Variants in KIF9 observed in about 807,000 individuals in gnomAD.
The protein encoded by KIF9 is kinesin family member 9.
Under a neutral mutation model 94.8 loss-of-function variants are expected in KIF9, and 68 were observed. That is an observed-to-expected ratio of 0.72 (90% CI 0.59 to 0.88). The LOEUF (loss-of-function observed/expected upper bound fraction) is 0.88, where lower values mean the gene tolerates loss of function less well. KIF9 is among the 40% of genes least tolerant of loss of function. The probability of loss-of-function intolerance (pLI) is 0.00; values close to 1 mark genes in which losing one functional copy is unlikely to be tolerated. For synonymous variants in KIF9, 343 were observed against 362.1 expected (o/e 0.95, Z 0.60); for missense variants, 882 against 982.5 (o/e 0.90, Z 1.37).
intron 13 of KIF9, chr3:47,245,988 A>C (rs1699899906): frequency 1.8e-6 from 1 of 557,554 alleles, no homozygotes; most frequent in Non-Finnish European, 3.2e-6. Context: ...TGCTCTGGGC[A>C]CTCTCAGAGC....
intron 2 of KIF9, among the ~76,000 whole-genome samples, chr3:47,276,781 T>C (rs1382395567): frequency 1.3e-5 from 2 of 152,270 alleles, no homozygotes; most frequent in South Asian, 2.1e-4. Context: ...AGGCCCATAA[T>C]TGTTTGCTGA....
chr3:47,242,952 C>A lies in KIF9; in HGVS notation c.1709+99G>T, dbSNP rs1028495304. 5 of 1,015,092 alleles carry A rather than the reference C, an allele frequency of 4.9e-6. No homozygotes were observed. The African/African-American group carries it at 8.0e-5, about 16-fold the overall frequency. 62.9% of individuals were successfully genotyped at this position (1,015,092 alleles called of 1,614,324 possible). The stretch of plus-strand genomic sequence containing the variant: ...TGCTCCTAGTCTTTGCCTATTATTT[C>A]TTATTTTATTTCTCTTTTATCTGCA... On this transcript the variant is annotated intron_variant, in intron 16 of 20. Coordinates refer to ENST00000684063, the MANE Select transcript of KIF9 (RefSeq NM_182902.4).
chr3:47,267,374 A>C, intron 5 of KIF9, 111 bp from the exon 6 acceptor site: 1 of 794,250 alleles, frequency 1.3e-6, no homozygotes, highest in Non-Finnish European at 2.2e-6. Flanking sequence ...TATCACTGCG[A>C]TCAGCTGGGC....
At chr3:47,230,291 A>AT (rs1698463993) in intron 20 of KIF9, among the ~76,000 whole-genome samples, 1 of 151,684 alleles carries the variant, frequency 6.6e-6, no homozygotes, top group African/African-American at 2.4e-5. Context: ...AAAAAAAAAA[A>AT]AAAAGGCTGG....
rs1320287442 is a variant in KIF9, at chr3:47,254,446, T to C, written c.1059+3037A>G. ...GCACTCCAGCCTGGGTGAGACTCCATCTCAAAAAACAAAAATTAGCTGGGC... is the reference window on the plus strand; with the variant it reads ...GCACTCCAGCCTGGGTGAGACTCCACCTCAAAAAACAAAAATTAGCTGGGC... On this transcript the variant is annotated intron_variant, in intron 10 of 20. Transcript: ENST00000684063. Among the ~76,000 whole-genome samples, 5 of 150,494 alleles carry C rather than the reference T, an allele frequency of 3.3e-5. 1 individual carries two copies. In the East Asian group the frequency reaches 9.7e-4, roughly 29 times the overall value.
chr3:47,282,296 G>A (rs912743814), intron 1 of KIF9, 199 bp downstream of exon 1: 40 of 985,686 alleles, frequency 4.1e-5, no homozygotes, highest in Non-Finnish European at 4.8e-5. Flanking sequence ...ATGAACATTA[G>A]CTCCGAAGAC....
chr3:47,268,117 C>T (rs893691329), intron 5 of KIF9, among the ~76,000 whole-genome samples: 20 of 151,964 alleles, frequency 1.3e-4, no homozygotes, highest in Non-Finnish European at 7.4e-5. Flanking sequence ...GAGATCTGCC[C>T]GCCTCGGCCT....
At chr3:47,258,032 C>T (rs1368318938) in intron 9 of KIF9, among the ~76,000 whole-genome samples, 1 of 152,176 alleles carries the variant, frequency 6.6e-6, no homozygotes, top group African/African-American at 2.4e-5. Flanking sequence ...ACAGTGATCC[C>T]CCTCCTTCAC....
intron 7 of KIF9, 84 bp downstream of exon 7, chr3:47,266,892 A>T (rs1701319922): frequency 1.0e-5 from 10 of 982,302 alleles, no homozygotes; most frequent in Non-Finnish European, 4.9e-6. Flanking sequence ...ATATCCAATG[A>T]GTCATGGCCC....
chr3:47,280,485 C>T (rs2107540931), intron 1 of KIF9, among the ~76,000 whole-genome samples: 1 of 152,286 alleles, frequency 6.6e-6, no homozygotes, highest in South Asian at 2.1e-4. Context: ...GTGGGAGGAT[C>T]GCTTGAGGCC....
chr3:47,267,173 C>T lies in KIF9; in HGVS notation c.675+7G>A. The T allele has an allele frequency of 6.2e-7, 1 of 1,611,046 alleles. No homozygotes were observed. The highest frequency in any genetic ancestry group is 8.5e-7 in the Non-Finnish European group (1 of 1,177,240). On this transcript the variant is annotated splice_region_variant and intron_variant, in intron 6 of 20. Transcript: ENST00000684063. The stretch of plus-strand genomic sequence containing the variant: ...CCGCCTGGGCTGATCAAAGAGCTTG[C>T]ACCTACCTCTAAGTAGATGGTGAAA...
rs373650690 is a variant in KIF9, at chr3:47,247,562, G to C, written c.1129-85C>G. 1.0e-4 allele frequency: 107 copies of C among 1,073,876 alleles called. 1 individual carries two copies. The African/African-American group carries it at 1.0e-3, about 10-fold the overall frequency. 66.5% of individuals were successfully genotyped at this position (1,073,876 alleles called of 1,614,324 possible). ...GGCAGGGGCCATTCTGAGAGGCAAA[G>C]TGGGGAGGCTGGGCACAGGCCCTGG... On this transcript the variant is annotated intron_variant, in intron 11 of 20. Transcript: ENST00000684063.
At chr3:47,245,149 C>T in intron 14 of KIF9, 3 of 611,732 alleles carry the variant, frequency 4.9e-6, no homozygotes, top group Non-Finnish European at 8.6e-6. Flanking sequence ...TATGGCACCT[C>T]ATTCCATACT....
chr3:47,246,902 C>T (rs1699960324), intron 12 of KIF9, among the ~76,000 whole-genome samples: 1 of 151,970 alleles, frequency 6.6e-6, no homozygotes, highest in Non-Finnish European at 1.5e-5. Context: ...ATGCAGCCTT[C>T]CCCCTGAGGA....
At position 47,243,198 on chromosome 3, in the gene KIF9, T is replaced by C; in HGVS notation, c.1562A>G (p.Asp521Gly). The change falls in exon 16 of 21, where the codon GAC becomes GGC. Residue 521 changes from aspartate (D) to glycine (G), a missense_variant. By Grantham distance (94) the Asp-to-Gly change is moderately conservative. Transcript: ENST00000684063. ...EGASSPVNGK[D>G]LDYVSTSKTQ... ...CTTGGAGGTGGAAACGTAATCCAAG[T>C]CCTTCCCATTCACAGGGCTGCTGGC... 1 of 1,613,334 alleles carries C rather than the reference T, an allele frequency of 6.2e-7. No individual in the cohort carries two copies. Among genetic ancestry groups the C allele is most frequent in the South Asian group, 1.1e-5 (1 of 91,030 alleles).
At chr3:47,250,044 G>A (rs1386019880) in intron 10 of KIF9, among the ~76,000 whole-genome samples, 1 of 150,208 alleles carries the variant, frequency 6.7e-6, no homozygotes, top group Non-Finnish European at 1.5e-5. Flanking sequence ...GCGAGTCACT[G>A]TCTCAAAAAA....
chr3:47,237,622 T>G (rs1699130282), intron 17 of KIF9, among the ~76,000 whole-genome samples: 1 of 152,196 alleles, frequency 6.6e-6, no homozygotes, highest in South Asian at 2.1e-4. Context: ...AGGCATCACA[T>G]CAACCGCCAT....
chr3:47,256,518 TG>T (rs1190077645), intron 10 of KIF9, among the ~76,000 whole-genome samples: 1 of 142,554 alleles, frequency 7.0e-6, no homozygotes, highest in Non-Finnish European at 1.5e-5. Flanking sequence ...GGGAGGGAGG[TG>T]GGGGGGTCGG....
chr3:47,238,968 T>C (rs563497513), intron 17 of KIF9, among the ~76,000 whole-genome samples: 1 of 152,102 alleles, frequency 6.6e-6, no homozygotes, highest in Non-Finnish European at 1.5e-5. Flanking sequence ...CAGCCGAAAA[T>C]CGGGCAGATC....
Sources: allele counts gnomAD v4.1 joint callset (sites outside exome capture counted in the v4.1 genomes callset), GRCh38; gene constraint gnomAD v4.1.1; transcripts MANE v1.5; gene names NCBI Gene and HGNC (gene_info 2026-07-23, HGNC 2026-07-21).